CSF1R: variants seen among roughly 807,000 people sequenced by gnomAD.
CSF1R encodes macrophage colony-stimulating factor 1 receptor.
A neutral mutation model predicts 110.0 loss-of-function variants in CSF1R; 40 were observed. The observed-to-expected ratio is 0.36, with a 90% CI of 0.28 to 0.47. The LOEUF (loss-of-function observed/expected upper bound fraction) is 0.47. Ranked by LOEUF, CSF1R falls within the 20% of genes least tolerant of loss-of-function variation. The probability of loss-of-function intolerance (pLI) is 0.99; values close to 1 mark genes in which losing one functional copy is unlikely to be tolerated. For missense variants in CSF1R, 1,052 were observed against 1,253.0 expected (o/e 0.84, Z 2.42); for synonymous variants, 523 against 503.4 (o/e 1.04, Z -0.52).
upstream of CSF1R, among the ~76,000 whole-genome samples, chr5:150,091,293 A>G (rs905932236): frequency 2.0e-5 from 3 of 152,270 alleles, no homozygotes; most frequent in African/African-American, 7.2e-5. Context: ...AGGTAAAACC[A>G]AAAGAATGGA....
intron 1 of CSF1R, among the ~76,000 whole-genome samples, 197 bp downstream of exon 1, chr5:150,086,182 G>C (rs1398264202): frequency 6.6e-6 from 1 of 152,138 alleles, no homozygotes; most frequent in African/African-American, 2.4e-5. Flanking sequence ...CACAGCACCA[G>C]GTGGACCAGT....
chr5:150,091,676 A>G (rs1162985410), intron 1 of CSF1R, among the ~76,000 whole-genome samples: 1 of 152,170 alleles, frequency 6.6e-6, no homozygotes, highest in Non-Finnish European at 1.5e-5. Context: ...TCTTGGAACT[A>G]GATAAAGGTG....
chr5:150,055,433 C>T (rs755890605), intron 18 of CSF1R, 97 bp from the exon 19 acceptor site: 9 of 961,476 alleles, frequency 9.4e-6, no homozygotes, highest in Admixed American at 1.9e-5. Flanking sequence ...AAGGGTCCCA[C>T]TTGACAACAC....
chr5:150,096,674 C>T (rs969744737), intron 1 of CSF1R, among the ~76,000 whole-genome samples: 2 of 152,206 alleles, frequency 1.3e-5, no homozygotes, highest in East Asian at 1.9e-4. Context: ...AAGGTTGAAA[C>T]GTTCAACACT....
chr5:150,059,367 G>C (rs939057444), intron 14 of CSF1R, among the ~76,000 whole-genome samples: 1 of 152,230 alleles, frequency 6.6e-6, no homozygotes, highest in African/African-American at 2.4e-5. Context: ...TCTTACTAGG[G>C]CTCCAGGCAC....
intron 10 of CSF1R, among the ~76,000 whole-genome samples, chr5:150,063,087 G>A (rs1757603891): frequency 1.3e-5 from 2 of 151,884 alleles, no homozygotes; most frequent in Admixed American, 1.3e-4. Flanking sequence ...GGGCAGTCTT[G>A]GCTCACTACA....
rs2113779365 is a variant in CSF1R at position 150,056,261 on chromosome 5, A to G, written c.2400T>C (p.Ala800=). Residue 800 remains alanine, a synonymous_variant, in exon 17 of 21, where the codon GCT becomes GCC. Transcript: ENST00000675795. ...AGTTGGAGTCATTCATGATGTCCCTAGCCAGCCCGAAGTCCCCAATCTTGG... is the reference window on the plus strand; with the variant it reads ...AGTTGGAGTCATTCATGATGTCCCTGGCCAGCCCGAAGTCCCCAATCTTGG... ...HVAKIGDFGL[A]RDIMNDSNYI... The G allele has an allele frequency of 6.2e-7, 1 of 1,614,156 alleles. No homozygotes were observed. Among genetic ancestry groups the G allele is most frequent in the South Asian group, 1.1e-5 (1 of 91,078 alleles).
chr5:150,092,995 C>T (rs568935946), intron 1 of CSF1R, among the ~76,000 whole-genome samples: 1 of 152,180 alleles, frequency 6.6e-6, no homozygotes, highest in African/African-American at 2.4e-5. Flanking sequence ...CTGAAATTGC[C>T]AATAAGGGGG....
At chr5:150,073,832 A>G (rs1011240992) in intron 5 of CSF1R, among the ~76,000 whole-genome samples, 1 of 152,212 alleles carries the variant, frequency 6.6e-6, no homozygotes, top group African/African-American at 2.4e-5. Context: ...ACACACACAC[A>G]TACACACACA....
chr5:150,080,144 G>A lies in CSF1R; in HGVS notation c.500C>T (p.Ala167Val). The A allele has an allele frequency of 6.2e-7, 1 of 1,614,090 alleles. No individual in the cohort carries two copies. Among genetic ancestry groups the A allele is most frequent in the African/African-American group, 1.3e-5 (1 of 75,072 alleles). Reference sequence around the variant, plus strand: ...ATAGTCCTGGCTCTGAATGAACTTGGCCCTGTGGATGGTGAAGCCATGCCA... The same window carrying A: ...ATAGTCCTGGCTCTGAATGAACTTGACCCTGTGGATGGTGAAGCCATGCCA... ...SPWHGFTIHR[A>V]KFIQSQDYQC... Residue 167 changes from alanine (A) to valine (V), a missense_variant, in exon 3 of 21, where the codon GCC (alanine) becomes GTC (valine). Physicochemically the swap from Ala to Val is moderately conservative, Grantham distance 64 (BLOSUM62 0). Transcript: ENST00000675795.
Position 150,054,364 on chromosome 5 carries a change from G to A in CSF1R, c.2721C>T (p.Cys907=). The A allele has an allele frequency of 6.2e-7, 1 of 1,614,160 alleles. No homozygotes were observed. The highest frequency in any genetic ancestry group is 1.3e-5 in the African/African-American group (1 of 75,042). Residue 907 remains cysteine, a synonymous_variant, in exon 20 of 21, where the codon TGC becomes TGT. Coordinates refer to ENST00000675795, the MANE Select transcript of CSF1R (RefSeq NM_001288705.3). ...PTHRPTFQQI[C]SFLQEQAQED... is the part of the protein sequence containing the mutation. ...CTTGGGCCTGCTCCTGAAGGAAGGAGCAGATCTGCTGGAAGGTGGGTCTGT... is the reference window on the plus strand; with the variant it reads ...CTTGGGCCTGCTCCTGAAGGAAGGAACAGATCTGCTGGAAGGTGGGTCTGT...
At chr5:150,095,817 G>C (rs545702436) in intron 1 of CSF1R, among the ~76,000 whole-genome samples, 4 of 142,002 alleles carry the variant, frequency 2.8e-5, no homozygotes, top group Non-Finnish European at 6.1e-5. Flanking sequence ...AGAATGGAAA[G>C]TGGACATCAA....
chr5:150,091,873 A>T (rs1461757727), intron 1 of CSF1R, among the ~76,000 whole-genome samples: 1 of 151,608 alleles, frequency 6.6e-6, no homozygotes, highest in African/African-American at 2.4e-5. Context: ...AAAAAAAAAA[A>T]AAAAAATCCT....
intron 9 of CSF1R, among the ~76,000 whole-genome samples, chr5:150,068,625 G>A (rs1056954085): frequency 6.6e-5 from 10 of 152,186 alleles, no homozygotes; most frequent in African/African-American, 2.4e-4. Flanking sequence ...CTCTGCCAGT[G>A]CAAGAAACCT....
chr5:150,095,029 T>C (rs2113856751), intron 1 of CSF1R: 1 of 771,720 alleles, frequency 1.3e-6, no homozygotes, highest in Non-Finnish European at 2.1e-6. Flanking sequence ...ATCAACAGGC[T>C]TATTAGAAGA....
intron 16 of CSF1R, among the ~76,000 whole-genome samples, 174 bp from the exon 17 acceptor site, chr5:150,056,515 G>T (rs1416349774): frequency 6.6e-6 from 1 of 152,164 alleles, no homozygotes. Context: ...CAGGATCTGA[G>T]AATGTGTATC....
chr5:150,074,038 C>A (rs540006538), intron 5 of CSF1R, among the ~76,000 whole-genome samples: 4 of 152,124 alleles, frequency 2.6e-5, no homozygotes, highest in Non-Finnish European at 5.9e-5. Flanking sequence ...TTTGTTAAGA[C>A]TCTGGGAAAA....
At chr5:150,063,038 C>T (rs1238635886) in intron 10 of CSF1R, among the ~76,000 whole-genome samples, 5 of 151,124 alleles carry the variant, frequency 3.3e-5, no homozygotes, top group Non-Finnish European at 7.4e-5. Flanking sequence ...TTTTTTTTTC[C>T]AAGACAGGAT....
intron 3 of CSF1R, among the ~76,000 whole-genome samples, chr5:150,079,744 T>A (rs1758438194): frequency 6.6e-6 from 1 of 151,460 alleles, no homozygotes; most frequent in Admixed American, 6.5e-5. Flanking sequence ...TCCTTCTCAG[T>A]GAGGCTCCCC....
Sources: allele counts gnomAD v4.1 joint callset (sites outside exome capture counted in the v4.1 genomes callset), GRCh38; gene constraint gnomAD v4.1.1; transcripts MANE v1.5; gene names NCBI Gene and HGNC (gene_info 2026-07-23, HGNC 2026-07-21).